The following MORC1 variants were observed in gnomAD, a reference collection of about 807,000 sequenced individuals.
MORC1 encodes the protein MORC family CW-type zinc finger protein 1.
Under a neutral mutation model 134.9 loss-of-function variants are expected in MORC1, and 59 were observed. The observed-to-expected ratio is 0.44, with a 90% confidence interval of 0.35 to 0.54. The LOEUF is 0.54. MORC1 is among the 20% of genes least tolerant of loss of function. The pLI is 0.00. For missense variants in MORC1, 947 were observed against 1,134.5 expected, an observed-to-expected ratio of 0.83 and a Z score of 2.37; for synonymous variants, 395 against 391.7, an observed-to-expected ratio of 1.01 and a Z score of -0.10.
intron 8 of MORC1, 148 bp from the exon 9 acceptor site, chr3:109,069,905 C>T (rs1950280410): frequency 1.3e-6 from 1 of 775,144 alleles, no homozygotes; most frequent in African/African-American, 1.8e-5. Context: ...ACCACAAACA[C>T]CAGCAAATAT....
At chr3:109,092,009 A>G (rs1576733963) in intron 8 of MORC1, among the ~76,000 whole-genome samples, 2 of 152,352 alleles carry the variant, frequency 1.3e-5, no homozygotes, top group South Asian at 4.1e-4. Flanking sequence ...CCAGTGTAGA[A>G]ATGCCAAGGC....
Position 109,057,367 on chromosome 3 carries a change from C to T in MORC1, c.1151G>A (p.Gly384Asp), listed in dbSNP as rs751900203. ...CAAGGACTTCAGTTTCAACTGTGAG[C>T]CCACTTTTTCATGCATTTTGATCAA... ...NRLIKMHEKV[G>D]SQLKLKSLLG... The change falls in exon 13 of 28, where the codon GGC (glycine) becomes GAC (aspartate). Residue 384 changes from glycine to aspartate, a missense_variant. Physicochemically the swap from Gly to Asp is moderately conservative, Grantham distance 94. This residue lies in a region of MORC1 where 722 missense variants were observed against 817.0 expected (regional missense o/e 0.88). Coordinates refer to ENST00000232603, the MANE Select transcript of MORC1 (RefSeq NM_014429.4). 6.2e-7 allele frequency: 1 copy of T among 1,609,998 alleles called. No homozygotes were observed. The highest frequency in any genetic ancestry group is 1.1e-5 in the South Asian group (1 of 89,742).
chr3:109,114,354 C>T (rs755463850), intron 2 of MORC1, 30 bp downstream of exon 2: 7 of 1,571,856 alleles, frequency 4.5e-6, no homozygotes, highest in African/African-American at 1.4e-5. Context: ...GAAATTCCCT[C>T]AGTAACTGTT....
At position 109,103,768 on chromosome 3, in the gene MORC1, A is replaced by G. The variant is rs573283832; in HGVS notation, c.223+81T>C. On this transcript the variant is annotated intron_variant, in intron 4 of 27. Transcript: ENST00000232603. ...AATAGCTCCATACCTGTTTTTGCAT[A>G]GATAGCTCAATTTATTTATTTTGTA... 5.3e-6 allele frequency: 7 copies of G among 1,309,168 alleles called. No homozygotes were observed. In the East Asian group the frequency reaches 1.4e-4, roughly 26 times the overall value. 81.1% of individuals were successfully genotyped at this position (1,309,168 alleles called of 1,614,324 possible).
intron 8 of MORC1, among the ~76,000 whole-genome samples, chr3:109,078,688 T>C (rs1576718878): frequency 1.3e-5 from 2 of 151,670 alleles, no homozygotes; most frequent in Middle Eastern, 3.2e-3. Flanking sequence ...TAAAGAAATG[T>C]AAAATAAAAG....
intron 14 of MORC1, among the ~76,000 whole-genome samples, chr3:109,038,871 C>T (rs949847648): frequency 1.9e-4 from 29 of 152,048 alleles, no homozygotes; most frequent in Admixed American, 1.2e-3. Context: ...TCAGGTAGCG[C>T]GATGCCTCCA....
chr3:109,082,515 G>A (rs950064448), intron 8 of MORC1, among the ~76,000 whole-genome samples: 3 of 152,036 alleles, frequency 2.0e-5, no homozygotes, highest in African/African-American at 7.2e-5. Context: ...TAGTTTTAAG[G>A]AAACTCAGTG....
At position 109,115,328 on chromosome 3, in the gene MORC1, A is replaced by AAC. The variant is rs58831825; in HGVS notation, c.66-893_66-892dup. Among the ~76,000 whole-genome samples, 268 of 148,768 alleles carry AAC rather than the reference A, an allele frequency of 1.8e-3. 1 individual carries two copies. The highest frequency in any genetic ancestry group is 0.015 in the South Asian group (69 of 4,678). On this transcript the variant is annotated intron_variant, in intron 1 of 27. Coordinates refer to ENST00000232603, the MANE Select transcript of MORC1 (RefSeq NM_014429.4). ...ACTTTAGTTTAAAATGTATTTTTAAAACACACACACACACACACACACACA... is the reference window on the plus strand; with the variant it reads ...ACTTTAGTTTAAAATGTATTTTTAAAACACACACACACACACACACACACACA...
chr3:109,092,199 C>A (rs917849582), intron 8 of MORC1, among the ~76,000 whole-genome samples: 1 of 152,024 alleles, frequency 6.6e-6, no homozygotes, highest in Admixed American at 6.6e-5. Context: ...TGGTTCCCAG[C>A]ATTTGTGGAA....
chr3:108,981,662 T>C (rs770029078), intron 23 of MORC1, among the ~76,000 whole-genome samples: 1 of 152,218 alleles, frequency 6.6e-6, no homozygotes, highest in African/African-American at 2.4e-5. Flanking sequence ...AGAGTTGTAC[T>C]GAGGATATAC....
chr3:109,113,534 C>T (rs1235541405), intron 2 of MORC1, among the ~76,000 whole-genome samples: 7 of 152,122 alleles, frequency 4.6e-5, no homozygotes, highest in African/African-American at 1.4e-4. Context: ...ATTTAGGCTC[C>T]TACTGAGATC....
chr3:109,082,219 GA>G (rs1950536089), intron 8 of MORC1, among the ~76,000 whole-genome samples: 1 of 149,424 alleles, frequency 6.7e-6, no homozygotes, highest in African/African-American at 2.5e-5. Context: ...ACCTAGTGCC[GA>G]AAAGAAGGCA....
chr3:108,993,684 G>A (rs1201311195), intron 21 of MORC1, among the ~76,000 whole-genome samples: 1 of 152,188 alleles, frequency 6.6e-6, no homozygotes. Context: ...TGTACTACCT[G>A]TACAGTTTTC....
chr3:108,990,797 A>G (rs1948031824), intron 21 of MORC1, among the ~76,000 whole-genome samples: 1 of 152,086 alleles, frequency 6.6e-6, no homozygotes, highest in Non-Finnish European at 1.5e-5. Flanking sequence ...AAGTCATGAA[A>G]ATACATGTGT....
intron 22 of MORC1, 31 bp from the exon 23 acceptor site, chr3:108,984,813 T>G: frequency 6.4e-7 from 1 of 1,566,824 alleles, no homozygotes; most frequent in Non-Finnish European, 8.7e-7. Context: ...ACAATCGCAT[T>G]TGGATGATCA....
rs1344028923 is a variant in MORC1 at position 109,004,894 on chromosome 3, A to C, written c.2014-6T>G. 1 of 1,611,998 alleles carries C rather than the reference A, an allele frequency of 6.2e-7. No homozygotes were observed. The highest frequency in any genetic ancestry group is 8.5e-7 in the Non-Finnish European group (1 of 1,179,364). ...ATATTAGCAATCTGACTTCTCTTTC[A>C]AAACAGAGAATACAGAAAAAAAAAT... On this transcript the variant is annotated splice_region_variant and splice_polypyrimidine_tract_variant and intron_variant, in intron 19 of 27. Coordinates refer to ENST00000232603, the MANE Select transcript of MORC1 (RefSeq NM_014429.4).
At chr3:109,084,843 C>T (rs540277144) in intron 8 of MORC1, among the ~76,000 whole-genome samples, 16 of 152,114 alleles carry the variant, frequency 1.1e-4, no homozygotes, top group Admixed American at 9.8e-4. Flanking sequence ...TATAAATCCA[C>T]ACATTTATAG....
At chr3:109,098,885 T>A (rs1950875513) in intron 6 of MORC1, among the ~76,000 whole-genome samples, 1 of 152,182 alleles carries the variant, frequency 6.6e-6, no homozygotes, top group Non-Finnish European at 1.5e-5. Context: ...GCCATAATAA[T>A]AAAACTCAGG....
At chr3:108,992,469 A>G (rs774874357) in intron 21 of MORC1, among the ~76,000 whole-genome samples, 5 of 152,186 alleles carry the variant, frequency 3.3e-5, no homozygotes, top group South Asian at 4.1e-4. Context: ...TACTACTGTC[A>G]TCAAGTCAAG....
Sources: allele counts gnomAD v4.1 joint callset (sites outside exome capture counted in the v4.1 genomes callset), GRCh38; gene constraint gnomAD v4.1.1; regional missense constraint gnomAD v4.1.1; transcripts MANE v1.5; gene names NCBI Gene and HGNC (gene_info 2026-07-23, HGNC 2026-07-21).